Variants in IGSF21 observed in about 807,000 individuals in gnomAD.
The protein encoded by IGSF21 is immunoglobin superfamily member 21, also known as immunoglobulin superfamily member 21.
IGSF21 carries 28 observed loss-of-function variants against 46.8 expected under a neutral mutation model. The ratio of observed to expected loss-of-function variants is 0.60; its 90% CI spans 0.44 to 0.82. IGSF21 has a LOEUF of 0.82. Ranked by LOEUF, IGSF21 falls within the 40% of genes least tolerant of loss-of-function variation. IGSF21 has a pLI of 0.00. For synonymous variants in IGSF21, 284 were observed against 273.6 expected, an observed-to-expected ratio of 1.04 and a Z score of -0.38; for missense variants, 624 against 665.5, an observed-to-expected ratio of 0.94 and a Z score of 0.69.
intron 3 of IGSF21, among the ~76,000 whole-genome samples, chr1:18,320,610 T>G (rs1163659386): frequency 6.6e-6 from 1 of 152,204 alleles, no homozygotes; most frequent in Non-Finnish European, 1.5e-5. Context: ...CAGGTTTGCT[T>G]TGCCCAACTG....
chr1:18,113,366 A>G (rs1329768899), intron 1 of IGSF21: 2 of 152,108 alleles, frequency 1.3e-5, no homozygotes, highest in African/African-American at 2.4e-5. Flanking sequence ...GGATGGAGCA[A>G]TAAAGGTAGT....
At chr1:18,133,473 C>T (rs912704008) in intron 1 of IGSF21, among the ~76,000 whole-genome samples, 2 of 152,368 alleles carry the variant, frequency 1.3e-5, no homozygotes, top group African/African-American at 2.4e-5. Flanking sequence ...CTGACAAATG[C>T]GGCTGTAATT....
At chr1:18,319,736 T>A (rs898309851) in intron 3 of IGSF21, among the ~76,000 whole-genome samples, 1 of 152,220 alleles carries the variant, frequency 6.6e-6, no homozygotes, top group African/African-American at 2.4e-5. Flanking sequence ...TGTCAGGACT[T>A]TGCTCCTCAG....
chr1:18,292,450 A>G (rs747548247), intron 3 of IGSF21, among the ~76,000 whole-genome samples: 10 of 152,182 alleles, frequency 6.6e-5, no homozygotes, highest in Non-Finnish European at 1.0e-4. Flanking sequence ...AATGACCCCA[A>G]GCAACTGGAC....
At chr1:18,114,310 G>A (rs1245691285) in intron 1 of IGSF21, 1 of 152,172 alleles carries the variant, frequency 6.6e-6, no homozygotes, top group Non-Finnish European at 1.5e-5. Flanking sequence ...ACCCAGGCAG[G>A]GACCCCATCT....
At chr1:18,188,854 G>C (rs1032055637) in intron 1 of IGSF21, among the ~76,000 whole-genome samples, 2 of 152,204 alleles carry the variant, frequency 1.3e-5, no homozygotes, top group Non-Finnish European at 2.9e-5. Flanking sequence ...TCTGCCCCTT[G>C]AGCCTTTACC....
At chr1:18,329,739 C>T (rs1304060364) in intron 3 of IGSF21, among the ~76,000 whole-genome samples, 1 of 152,164 alleles carries the variant, frequency 6.6e-6, no homozygotes, top group East Asian at 1.9e-4. Context: ...GGACCAAAAC[C>T]TCTAGCATCC....
intron 1 of IGSF21, among the ~76,000 whole-genome samples, chr1:18,195,313 G>A (rs767655): frequency 0.29 from 44,421 of 152,062 alleles, 6,854 homozygotes; most frequent in South Asian, 0.37. Flanking sequence ...TGTCATGCCA[G>A]CCTCGGAACA....
chr1:18,372,653 G>GATGGATGGATGGATGGATGAATGT (rs1557666116), intron 6 of IGSF21, among the ~76,000 whole-genome samples: 1 of 150,694 alleles, frequency 6.6e-6, no homozygotes, highest in African/African-American at 2.4e-5. Context: ...TGGATGGATG[G>GATGGATGGATGGATGGATGAATGT]ATGTTTGGAT....
chr1:18,338,044 T>A (rs1374178182), intron 4 of IGSF21, among the ~76,000 whole-genome samples: 5 of 152,040 alleles, frequency 3.3e-5, no homozygotes, highest in Non-Finnish European at 7.4e-5. Flanking sequence ...ATCGACCACA[T>A]GGGCCTGGGA....
intron 1 of IGSF21, among the ~76,000 whole-genome samples, chr1:18,145,754 C>T (rs1002820708): frequency 3.3e-5 from 5 of 152,188 alleles, no homozygotes; most frequent in Non-Finnish European, 5.9e-5. Flanking sequence ...ATAAGGAATG[C>T]GCAGGGCACC....
At chr1:18,258,454 G>T (rs1569652683) in intron 2 of IGSF21, among the ~76,000 whole-genome samples, 1 of 152,336 alleles carries the variant, frequency 6.6e-6, no homozygotes, top group Admixed American at 6.5e-5. Context: ...AGCCCAGTAG[G>T]ATGGTAGAAG....
At chr1:18,180,254 T>C (rs1028065484) in intron 1 of IGSF21, among the ~76,000 whole-genome samples, 1 of 152,232 alleles carries the variant, frequency 6.6e-6, no homozygotes, top group Non-Finnish European at 1.5e-5. Context: ...TCATTCTTCT[T>C]TGTGCACTTA....
chr1:18,371,958 T>C (rs2124637495), intron 6 of IGSF21, among the ~76,000 whole-genome samples: 1 of 152,384 alleles, frequency 6.6e-6, no homozygotes, highest in Middle Eastern at 3.4e-3. Flanking sequence ...AACAATTCAT[T>C]CTTCATATAT....
At chr1:18,235,987 G>A (rs1413366538) in intron 2 of IGSF21, among the ~76,000 whole-genome samples, 3 of 152,176 alleles carry the variant, frequency 2.0e-5, no homozygotes, top group Non-Finnish European at 2.9e-5. Flanking sequence ...ACATGTGGAA[G>A]GGATGAGAGA....
chr1:18,143,753 C>T (rs189402840), intron 1 of IGSF21, among the ~76,000 whole-genome samples: 1 of 152,240 alleles, frequency 6.6e-6, no homozygotes, highest in Non-Finnish European at 1.5e-5. Flanking sequence ...CGTGCCTTCC[C>T]TTCTATGTCT....
chr1:18,267,720 G>A (rs1197519349), intron 2 of IGSF21, among the ~76,000 whole-genome samples: 1 of 152,182 alleles, frequency 6.6e-6, no homozygotes, highest in Non-Finnish European at 1.5e-5. Flanking sequence ...GACCATGCCT[G>A]GGTCCACCGT....
chr1:18,167,551 C>T (rs767254359), intron 1 of IGSF21, among the ~76,000 whole-genome samples: 4 of 152,108 alleles, frequency 2.6e-5, no homozygotes, highest in Non-Finnish European at 5.9e-5. Context: ...GCTTAGTGCC[C>T]TCCACCACCC....
intron 2 of IGSF21, among the ~76,000 whole-genome samples, chr1:18,263,303 T>G (rs1232504503): frequency 6.6e-6 from 1 of 152,070 alleles, no homozygotes; most frequent in East Asian, 1.9e-4. Context: ...CTCAACCTAC[T>G]TGCATCACTG....
Sources: allele counts gnomAD v4.1 joint callset (sites outside exome capture counted in the v4.1 genomes callset), GRCh38; gene constraint gnomAD v4.1.1; transcripts MANE v1.5; gene names NCBI Gene and HGNC (gene_info 2026-07-23, HGNC 2026-07-21).